Variants in CSMD1 observed in about 807,000 individuals in gnomAD.
CSMD1 encodes the protein CUB and sushi domain-containing protein 1.
A neutral mutation model predicts 417.5 loss-of-function variants in CSMD1; 213 were observed. The ratio of observed to expected loss-of-function variants is 0.51; its 90% CI spans 0.46 to 0.57. CSMD1 has a LOEUF of 0.57. CSMD1 is among the 20% of genes least tolerant of loss of function. The pLI, the probability that CSMD1 is intolerant of heterozygous loss-of-function variation, is 0.00. For synonymous variants in CSMD1, 2,862 were observed against 1,736.8 expected (o/e 1.65, Z -16.11); for missense variants, 6,923 against 4,529.7 (o/e 1.53, Z -15.17).
chr8:3,312,511 A>G (rs926189273), intron 23 of CSMD1, among the ~76,000 whole-genome samples: 5 of 152,118 alleles, frequency 3.3e-5, no homozygotes, highest in African/African-American at 9.7e-5. Flanking sequence ...CAGTTTTCCA[A>G]TTTTCAGTAG....
chr8:3,088,597 T>C (rs1814705811), intron 48 of CSMD1, among the ~76,000 whole-genome samples: 1 of 151,870 alleles, frequency 6.6e-6, no homozygotes, highest in South Asian at 2.1e-4. Flanking sequence ...TCAGAAAATA[T>C]TCTCAGCTGG....
At chr8:3,544,211 C>T (rs1475430476) in intron 10 of CSMD1, among the ~76,000 whole-genome samples, 2 of 152,022 alleles carry the variant, frequency 1.3e-5, no homozygotes, top group Non-Finnish European at 2.9e-5. Context: ...AGATTGATAA[C>T]GTTTACTAAA....
At chr8:3,627,680 T>C (rs982513462) in intron 7 of CSMD1, among the ~76,000 whole-genome samples, 3 of 152,218 alleles carry the variant, frequency 2.0e-5, no homozygotes, top group African/African-American at 4.8e-5. Context: ...TGCAATGTTT[T>C]ATGGTAAGCA....
At chr8:4,074,604 C>T (rs1260031283) in intron 3 of CSMD1, among the ~76,000 whole-genome samples, 1 of 152,124 alleles carries the variant, frequency 6.6e-6, no homozygotes, top group East Asian at 1.9e-4. Context: ...TCATTTCAAA[C>T]TACTGTCCTA....
intron 3 of CSMD1, among the ~76,000 whole-genome samples, chr8:4,372,284 A>T (rs1241864000): frequency 6.6e-6 from 1 of 152,186 alleles, no homozygotes; most frequent in African/African-American, 2.4e-5. Context: ...CATTTTATTA[A>T]GTCTGTGGGT....
intron 7 of CSMD1, among the ~76,000 whole-genome samples, chr8:3,638,363 G>A (rs759137260): frequency 6.6e-6 from 1 of 152,004 alleles, no homozygotes; most frequent in East Asian, 1.9e-4. Flanking sequence ...TGTGTCCCAA[G>A]AGGCTGTAGC....
At chr8:3,364,214 T>A (rs13271747) in intron 20 of CSMD1, among the ~76,000 whole-genome samples, 67,753 of 151,884 alleles carry the variant, frequency 0.45, 15,155 homozygotes, top group Admixed American at 0.53. Context: ...GCACAGTTTC[T>A]AGGCAAAAAT....
chr8:3,139,586 C>G (rs916942869), intron 41 of CSMD1, among the ~76,000 whole-genome samples: 1 of 152,140 alleles, frequency 6.6e-6, no homozygotes, highest in Non-Finnish European at 1.5e-5. Context: ...AAGTGAAAAA[C>G]AGGTGTAGAA....
chr8:4,346,087 A>G (rs12681257), intron 3 of CSMD1, among the ~76,000 whole-genome samples: 2 of 152,180 alleles, frequency 1.3e-5, no homozygotes, highest in East Asian at 3.9e-4. Flanking sequence ...ATACGAAAGT[A>G]CTACAACTAG....
At chr8:4,151,803 T>A (rs1365050091) in intron 3 of CSMD1, among the ~76,000 whole-genome samples, 1 of 152,332 alleles carries the variant, frequency 6.6e-6, no homozygotes, top group South Asian at 2.1e-4. Flanking sequence ...ATATGAAAAA[T>A]AATTGTTCGA....
chr8:4,430,549 TAAA>T (rs1274857617), intron 2 of CSMD1, among the ~76,000 whole-genome samples: 1 of 152,166 alleles, frequency 6.6e-6, no homozygotes, highest in African/African-American at 2.4e-5. Context: ...TACTCTCTAA[TAAA>T]AGTTACTCTG....
rs543936224 is a variant in CSMD1 at position 4,480,550 on chromosome 8, C to T, written c.303-60485G>A. ...CCGCCTTTTTGCACCATGCGTCAAG[C>T]GGAGGTCCTGTTACTGCAATCAGCA... On this transcript the variant is annotated intron_variant, in intron 2 of 69. Coordinates refer to ENST00000635120, the MANE Select transcript of CSMD1 (RefSeq NM_033225.6). Among the ~76,000 whole-genome samples, 19 of 152,262 alleles carry T rather than the reference C, an allele frequency of 1.2e-4. No homozygotes were observed. In the South Asian group the frequency reaches 2.9e-3, roughly 23 times the overall value.
intron 2 of CSMD1, among the ~76,000 whole-genome samples, chr8:4,457,195 A>G (rs777374456): frequency 6.6e-6 from 1 of 152,116 alleles, no homozygotes; most frequent in Non-Finnish European, 1.5e-5. Flanking sequence ...GTGTCCTGTT[A>G]AACACATGTG....
At chr8:4,827,599 G>C (rs939392927) in intron 1 of CSMD1, among the ~76,000 whole-genome samples, 1 of 152,140 alleles carries the variant, frequency 6.6e-6, no homozygotes, top group African/African-American at 2.4e-5. Flanking sequence ...TTTCTTTGAG[G>C]AGCTTGTGTC....
intron 4 of CSMD1, among the ~76,000 whole-genome samples, chr8:4,004,976 C>G (rs1334583199): frequency 6.6e-6 from 1 of 152,120 alleles, no homozygotes; most frequent in Non-Finnish European, 1.5e-5. Context: ...AATCTCCTGA[C>G]CTCGTGATCT....
intron 3 of CSMD1, among the ~76,000 whole-genome samples, chr8:4,374,258 T>G (rs1478904121): frequency 6.6e-6 from 1 of 152,186 alleles, no homozygotes; most frequent in Non-Finnish European, 1.5e-5. Context: ...ACGTGTGAGT[T>G]AATTTTTTTT....
chr8:3,969,936 T>A (rs1812964393), intron 5 of CSMD1, among the ~76,000 whole-genome samples: 1 of 152,314 alleles, frequency 6.6e-6, no homozygotes, highest in Admixed American at 6.5e-5. Context: ...TCATTTTATT[T>A]AAACAACCTC....
intron 3 of CSMD1, among the ~76,000 whole-genome samples, chr8:4,296,433 G>A (rs1054005650): frequency 3.3e-5 from 5 of 152,098 alleles, no homozygotes; most frequent in African/African-American, 1.2e-4. Context: ...GTGTGAGATA[G>A]CATGGCATTT....
intron 3 of CSMD1, among the ~76,000 whole-genome samples, chr8:4,378,791 G>A (rs1290192582): frequency 6.6e-6 from 1 of 152,164 alleles, no homozygotes; most frequent in Non-Finnish European, 1.5e-5. Flanking sequence ...TACTGCCCTT[G>A]TAAGACGTCA....
Sources: gnomAD v4.1 joint callset for allele counts (sites outside exome capture counted in the v4.1 genomes callset) on GRCh38, gnomAD v4.1.1 for gene constraint, MANE v1.5 for transcripts, NCBI Gene and HGNC (gene_info 2026-07-23, HGNC 2026-07-21) for gene names.